DNAH12: variants seen among roughly 807,000 people sequenced by gnomAD.
DNAH12 encodes axonemal beta dynein heavy chain 12.
A neutral mutation model predicts 371.5 loss-of-function variants in DNAH12; 285 were observed. The observed-to-expected ratio is 0.77, with a 90% confidence interval of 0.70 to 0.85. The LOEUF is 0.85. Ranked by LOEUF, DNAH12 falls within the 40% of genes least tolerant of loss-of-function variation. DNAH12 has a pLI of 0.00. For missense variants in DNAH12, 3,611 were observed against 3,689.4 expected, an observed-to-expected ratio of 0.98 and a Z score of 0.55; for synonymous variants, 1,200 against 1,213.0, an observed-to-expected ratio of 0.99 and a Z score of 0.22.
intron 11 of DNAH12, among the ~76,000 whole-genome samples, chr3:57,491,097 A>AC (rs2067108134): frequency 5.4e-5 from 8 of 148,268 alleles, no homozygotes; most frequent in African/African-American, 1.8e-4. Context: ...AAAAAAAAAA[A>AC]AAAACAACAA....
chr3:57,499,197 T>G (rs544469534), intron 11 of DNAH12, among the ~76,000 whole-genome samples: 1 of 152,130 alleles, frequency 6.6e-6, no homozygotes, highest in East Asian at 1.9e-4. Context: ...ATGTCAGCAG[T>G]TTCCTGAGGT....
In DNAH12 at chr3:57,438,430, C is replaced by A. The variant is rs139585298; in HGVS notation, c.4546-1370G>T. Among the ~76,000 whole-genome samples, 20 of 152,182 alleles carry A rather than the reference C, an allele frequency of 1.3e-4. 1 individual carries two copies. The highest frequency in any genetic ancestry group is 4.8e-4 in the African/African-American group (20 of 41,526). ...CAAAACTTAAGGTTGGACGTCCTAG[C>A]CAGAACAATCAGGCAAGAGAAAGAA... On this transcript the variant is annotated intron_variant, in intron 29 of 73. Transcript: ENST00000495027.
At chr3:57,449,340 C>T (rs561701657) in intron 25 of DNAH12, among the ~76,000 whole-genome samples, 33 of 152,378 alleles carry the variant, frequency 2.2e-4, no homozygotes, top group East Asian at 5.8e-4. Flanking sequence ...CCACGCTGTG[C>T]GCTCGCACTC....
intron 5 of DNAH12, among the ~76,000 whole-genome samples, chr3:57,509,623 A>G (rs902187606): frequency 2.0e-5 from 3 of 151,620 alleles, no homozygotes; most frequent in Admixed American, 6.6e-5. Flanking sequence ...GCACTTTGAG[A>G]AGCCAAGGAG....
intron 26 of DNAH12, 47 bp downstream of exon 26, chr3:57,446,490 C>T (rs1250453941): frequency 6.7e-7 from 1 of 1,494,088 alleles, no homozygotes; most frequent in Non-Finnish European, 8.9e-7. Context: ...TTAGACCTAG[C>T]TGTAAGTTTG....
Position 57,462,545 on chromosome 3 carries a change from C to A in DNAH12, c.2535+145G>T, listed in dbSNP as rs1041677380. 41 of 936,304 alleles carry A rather than the reference C, an allele frequency of 4.4e-5. No homozygotes were observed. In the African/African-American group the frequency reaches 6.6e-4, roughly 15 times the overall value. 58.0% of individuals were successfully genotyped at this position (936,304 alleles called of 1,614,324 possible). A position where few individuals can be genotyped will look rare whatever the true frequency, so the allele number is the denominator to read the frequency against. ...AGGATTACAGATGTGAGCTACCGCA[C>A]CCAGCCGGAGAGTGGTCTTCTATCA... On this transcript the variant is annotated intron_variant, in intron 18 of 73. Transcript: ENST00000495027.
Position 57,314,507 on chromosome 3 carries a change from A to G in DNAH12, c.10649T>C (p.Ile3550Thr), listed in dbSNP as rs1273655760. 2 of 1,550,916 alleles carry G rather than the reference A, an allele frequency of 1.3e-6. No homozygotes were observed. Among genetic ancestry groups the G allele is most frequent in the Admixed American group, 3.9e-5 (2 of 50,844 alleles). Residue 3550 changes from isoleucine to threonine, a missense_variant, in exon 66 of 74, where the codon ATC becomes ACC. This residue lies in a region of DNAH12 where 2,266 missense variants were observed against 2,236.9 expected (regional missense o/e 1.01). Transcript: ENST00000495027. ...GFNESDLRIS[I>T]RQLQLFINEY... ...TGTTAATTTTACCTGCAGTTGTCGG[A>G]TACTGATGCGCAAGTCAGATTCATT... is the stretch of plus-strand genomic sequence containing the variant.
intron 4 of DNAH12, among the ~76,000 whole-genome samples, chr3:57,516,419 A>G (rs1489924864): frequency 6.6e-6 from 1 of 151,980 alleles, no homozygotes; most frequent in Non-Finnish European, 1.5e-5. Context: ...TCACTATATC[A>G]ATGGGCTGAC....
intron 16 of DNAH12, among the ~76,000 whole-genome samples, chr3:57,469,684 C>T (rs2066312952): frequency 6.6e-6 from 1 of 152,164 alleles, no homozygotes; most frequent in South Asian, 2.1e-4. Context: ...TTTGCAGCAA[C>T]ATGGATGCAG....
At chr3:57,499,642 AAAAAAATATATAT>A (rs1323785533) in intron 11 of DNAH12, among the ~76,000 whole-genome samples, 8 of 40,478 alleles carry the variant, frequency 2.0e-4, no homozygotes, top group African/African-American at 6.5e-4. Context: ...AAAAAAAAAA[AAAAAAATATATAT>A]ATATATATAT....
At chr3:57,412,727 A>G (rs1472709007) in intron 39 of DNAH12, among the ~76,000 whole-genome samples, 1 of 152,198 alleles carries the variant, frequency 6.6e-6, no homozygotes, top group Non-Finnish European at 1.5e-5. Flanking sequence ...TGCAAATTAA[A>G]ACAATGAAAT....
At chr3:57,495,746 T>A (rs1416993127) in intron 11 of DNAH12, among the ~76,000 whole-genome samples, 6 of 144,516 alleles carry the variant, frequency 4.2e-5, no homozygotes, top group Non-Finnish European at 7.6e-5. Flanking sequence ...TATATGAATA[T>A]TTTTATATAT....
intron 2 of DNAH12, among the ~76,000 whole-genome samples, chr3:57,541,051 T>TA (rs2069260149): frequency 6.6e-6 from 1 of 151,906 alleles, no homozygotes; most frequent in African/African-American, 2.4e-5. Context: ...CTCCCTTTTA[T>TA]TTTTTTGAGA....
intron 9 of DNAH12, 82 bp from the exon 10 acceptor site, chr3:57,502,561 T>TTC: frequency 7.2e-7 from 1 of 1,393,884 alleles, no homozygotes; most frequent in South Asian, 1.4e-5. Flanking sequence ...TTTTTTTTTT[T>TTC]CCTTTGGAGA....
intron 70 of DNAH12, among the ~76,000 whole-genome samples, chr3:57,297,842 T>A (rs191770803): frequency 6.6e-6 from 1 of 152,324 alleles, no homozygotes; most frequent in Non-Finnish European, 1.5e-5. Context: ...AGACGTAGCA[T>A]CTTGCATCAG....
chr3:57,314,654 CAAG>C (rs757359364), intron 65 of DNAH12, 23 bp from the exon 66 acceptor site: 15 of 1,504,162 alleles, frequency 1.0e-5, no homozygotes, highest in Non-Finnish European at 1.3e-5. Context: ...AAGTACATAA[CAAG>C]AAAAAAAATT....
chr3:57,392,225 T>C (rs1460124702), intron 44 of DNAH12, among the ~76,000 whole-genome samples, 159 bp from the exon 45 acceptor site: 1 of 152,192 alleles, frequency 6.6e-6, no homozygotes, highest in Non-Finnish European at 1.5e-5. Flanking sequence ...TAGTTTGTAC[T>C]TAGAAAACCT....
chr3:57,535,229 G>A (rs1010449681), intron 2 of DNAH12, among the ~76,000 whole-genome samples: 5 of 152,178 alleles, frequency 3.3e-5, no homozygotes, highest in South Asian at 2.1e-4. Context: ...TGGTTTAAAT[G>A]TGTCCCCCAA....
chr3:57,429,521 GATT>G (rs2064890600), intron 33 of DNAH12, among the ~76,000 whole-genome samples, 167 bp downstream of exon 33: 1 of 152,146 alleles, frequency 6.6e-6, no homozygotes. Context: ...TGTGTAATGG[GATT>G]ATTAACATGC....
Sources: allele counts gnomAD v4.1 joint callset (sites outside exome capture counted in the v4.1 genomes callset), GRCh38; gene constraint gnomAD v4.1.1; regional missense constraint gnomAD v4.1.1; transcripts MANE v1.5; gene names NCBI Gene and HGNC (gene_info 2026-07-23, HGNC 2026-07-21).